The following FARS2 variants were observed in gnomAD, a reference collection of about 807,000 sequenced individuals.
FARS2 encodes the protein phenylalanine--tRNA ligase, mitochondrial.
A neutral mutation model predicts 46.4 loss-of-function variants in FARS2; 40 were observed. That is an observed-to-expected ratio of 0.86 (90% CI 0.67 to 1.12). FARS2 has a LOEUF of 1.12. Ranked by LOEUF, FARS2 falls within the 50% of genes most tolerant of loss-of-function variation. The pLI is 0.00. For synonymous variants in FARS2, 234 were observed against 214.9 expected (o/e 1.09, Z -0.78); for missense variants, 513 against 567.9 (o/e 0.90, Z 0.98).
chr6:5,354,516 C>CA (rs1757788634), intron 1 of FARS2, among the ~76,000 whole-genome samples: 1 of 140,002 alleles, frequency 7.1e-6, no homozygotes, highest in Non-Finnish European at 1.6e-5. Flanking sequence ...TAGTGGTTTC[C>CA]TTTTTTTTTT....
At chr6:5,362,235 G>A (rs2127628601) in intron 1 of FARS2, among the ~76,000 whole-genome samples, 1 of 152,266 alleles carries the variant, frequency 6.6e-6, no homozygotes, top group Non-Finnish European at 1.5e-5. Context: ...CATTTATTGA[G>A]TACCTGTTAT....
At position 5,353,726 on chromosome 6, in the gene FARS2, GTTTTTT is replaced by G. The variant is rs55998904; in HGVS notation, c.-21-14807_-21-14802del. 1.9e-3 allele frequency among the ~76,000 whole-genome samples: 76 copies of G among 40,394 alleles called. 1 individual carries two copies. Among genetic ancestry groups the G allele is most frequent in the African/African-American group, 6.3e-3 (65 of 10,332 alleles). The allele number at this position is 40,394 out of a possible 152,430, so 26.5% of individuals were successfully genotyped here. ...CTGTTTTTAAATTGTAATATTTGGT[GTTTTTT>G]TTTTTTTTTTTTTTTTGCTATTGAG... is the stretch of plus-strand genomic sequence containing the variant. On this transcript the variant is annotated intron_variant, in intron 1 of 6. Transcript: ENST00000274680.
chr6:5,676,866 T>C (rs141858163), intron 6 of FARS2, among the ~76,000 whole-genome samples: 4 of 152,324 alleles, frequency 2.6e-5, no homozygotes, highest in African/African-American at 7.2e-5. Context: ...GCAATCAATA[T>C]AGACAGACTT....
chr6:5,626,301 C>T (rs1341913796), intron 6 of FARS2, among the ~76,000 whole-genome samples: 1 of 152,104 alleles, frequency 6.6e-6, no homozygotes, highest in African/African-American at 2.4e-5. Flanking sequence ...TCAGATATCC[C>T]AAGTGCATCG....
intron 1 of FARS2, among the ~76,000 whole-genome samples, chr6:5,350,739 A>G (rs1424318510): frequency 6.6e-6 from 1 of 152,172 alleles, no homozygotes; most frequent in Non-Finnish European, 1.5e-5. Context: ...TGGTTGTGAT[A>G]TTGTACTTTA....
intron 1 of FARS2, among the ~76,000 whole-genome samples, chr6:5,315,153 A>G (rs76679773): frequency 0.02 from 3,068 of 152,322 alleles, 94 homozygotes; most frequent in African/African-American, 0.065. Flanking sequence ...AATTTTTGGA[A>G]TAAGTAACAG....
intron 2 of FARS2, among the ~76,000 whole-genome samples, chr6:5,398,968 T>C (rs1239081452): frequency 6.6e-6 from 1 of 152,086 alleles, no homozygotes; most frequent in African/African-American, 2.4e-5. Context: ...TTTTTCATCT[T>C]ATTTAGTTAA....
At position 5,660,682 on chromosome 6, in the gene FARS2, A is replaced by G. The variant is rs1017876113; in HGVS notation, c.1217+47362A>G. On this transcript the variant is annotated intron_variant, in intron 6 of 6. Transcript: ENST00000274680. ...AAAAAAAAAAAAAGTAACAGTGAGC[A>G]GTGGAGTCAAGGTTGAGTGTGAGGC... 1.2e-4 allele frequency among the ~76,000 whole-genome samples: 18 copies of G among 150,372 alleles called. No individual in the cohort carries two copies. In the East Asian group the frequency reaches 2.1e-3, roughly 18 times the overall value.
At chr6:5,290,434 T>TGG (rs1561935386) in intron 1 of FARS2, among the ~76,000 whole-genome samples, 1 of 152,236 alleles carries the variant, frequency 6.6e-6, no homozygotes, top group African/African-American at 2.4e-5. Flanking sequence ...TTTGGGTATC[T>TGG]GTTTTAAATT....
chr6:5,710,045 A>G (rs942773217), intron 6 of FARS2, among the ~76,000 whole-genome samples: 1 of 152,184 alleles, frequency 6.6e-6, no homozygotes, highest in Non-Finnish European at 1.5e-5. Flanking sequence ...TGGCCAACGC[A>G]GACCCTTGTC....
chr6:5,519,401 A>T (rs1768997777), intron 4 of FARS2, among the ~76,000 whole-genome samples: 1 of 152,174 alleles, frequency 6.6e-6, no homozygotes, highest in African/African-American at 2.4e-5. Flanking sequence ...ATGAATGTAG[A>T]TTACTCTTTC....
chr6:5,616,010 TAAAAAAAAAAAAA>T (rs11327256), intron 6 of FARS2, among the ~76,000 whole-genome samples: 2 of 95,830 alleles, frequency 2.1e-5, no homozygotes, highest in Admixed American at 2.4e-4. Context: ...CCATAGCTCT[TAAAAAAAAAAAAA>T]AAAAAAAAAA....
At chr6:5,268,265 A>T (rs953946796) in intron 1 of FARS2, among the ~76,000 whole-genome samples, 1 of 151,440 alleles carries the variant, frequency 6.6e-6, no homozygotes, top group Non-Finnish European at 1.5e-5. Flanking sequence ...TGTTTTAGAC[A>T]CGAAGTCCTT....
chr6:5,339,672 C>T (rs1334488102), intron 1 of FARS2, among the ~76,000 whole-genome samples: 7 of 152,136 alleles, frequency 4.6e-5, no homozygotes, highest in Admixed American at 4.6e-4. Flanking sequence ...TGAGCTCAAG[C>T]AATCCACCCA....
chr6:5,565,704 A>G (rs1165094340), intron 5 of FARS2, among the ~76,000 whole-genome samples: 1 of 152,210 alleles, frequency 6.6e-6, no homozygotes, highest in African/African-American at 2.4e-5. Context: ...CATTTCGGCA[A>G]TCTCATGTGA....
chr6:5,254,419 G>A, the FARS2 span, among the ~76,000 whole-genome samples: 2 of 152,114 alleles, frequency 1.3e-5, no homozygotes, highest in Non-Finnish European at 2.9e-5. Context: ...TTTCTTGTTG[G>A]CAAAAACATG....
At chr6:5,445,378 G>C (rs1469279239) in intron 4 of FARS2, among the ~76,000 whole-genome samples, 2 of 152,020 alleles carry the variant, frequency 1.3e-5, no homozygotes, top group African/African-American at 4.8e-5. Context: ...TGGTACTGTG[G>C]GGATAAACAC....
At chr6:5,691,589 G>A (rs978783163) in intron 6 of FARS2, among the ~76,000 whole-genome samples, 43 of 152,222 alleles carry the variant, frequency 2.8e-4, no homozygotes, top group African/African-American at 9.9e-4. Context: ...TGAGGTGTCA[G>A]TCTGCCCCTA....
intron 3 of FARS2, among the ~76,000 whole-genome samples, chr6:5,428,967 C>T (rs756280440): frequency 2.0e-5 from 3 of 151,642 alleles, no homozygotes; most frequent in African/African-American, 7.3e-5. Flanking sequence ...ATGAAAGAAG[C>T]AAGAAAAAAA....
Sources: gnomAD v4.1 joint callset for allele counts (sites outside exome capture counted in the v4.1 genomes callset) on GRCh38, gnomAD v4.1.1 for gene constraint, MANE v1.5 for transcripts, NCBI Gene and HGNC (gene_info 2026-07-23, HGNC 2026-07-21) for gene names.